Variants in SPTBN1 observed in about 807,000 individuals in gnomAD.
SPTBN1 encodes spectrin beta, non-erythrocytic 1, also known as spectrin beta chain, non-erythrocytic 1.
A neutral mutation model predicts 266.4 loss-of-function variants in SPTBN1; 32 were observed. The ratio of observed to expected loss-of-function variants is 0.12; its 90% confidence interval spans 0.09 to 0.16. The LOEUF is 0.16. Ranked by LOEUF, SPTBN1 falls within the 10% of genes least tolerant of loss-of-function variation. The probability of loss-of-function intolerance (pLI) is 1.00; values close to 1 mark genes in which losing one functional copy is unlikely to be tolerated. For missense variants in SPTBN1, 2,296 were observed against 3,067.1 expected, an observed-to-expected ratio of 0.75 and a Z score of 5.94; for synonymous variants, 1,336 against 1,162.2, an observed-to-expected ratio of 1.15 and a Z score of -3.04.
At position 54,669,254 on chromosome 2, in the gene SPTBN1, C is replaced by A. The variant is rs200175718; in HGVS notation, c.*685C>A. On this transcript the variant is annotated 3_prime_UTR_variant, in exon 36 of 36. Transcript: ENST00000356805. The stretch of plus-strand genomic sequence containing the variant: ...CTGTAATTTCAATTTTTTTTTTTTG[C>A]TGAAATACATTATATTGTACGTTTG... 1.1e-5 allele frequency: 1 copy of A among 88,716 alleles called. No individual in the cohort carries two copies. The highest frequency in any genetic ancestry group is 2.5e-5 in the Non-Finnish European group (1 of 40,002). 5.5% of individuals were successfully genotyped at this position (88,716 alleles called of 1,614,324 possible).
chr2:54,614,907 A>G (rs1414833474), intron 4 of SPTBN1, among the ~76,000 whole-genome samples: 1 of 152,174 alleles, frequency 6.6e-6, no homozygotes, highest in East Asian at 1.9e-4. Context: ...TTGTTTCCAT[A>G]TGGGCAAATC....
At chr2:54,637,542 C>G (rs1463151498) in intron 17 of SPTBN1, among the ~76,000 whole-genome samples, 171 bp from the exon 18 acceptor site, 1 of 152,134 alleles carries the variant, frequency 6.6e-6, no homozygotes, top group South Asian at 2.1e-4. Flanking sequence ...ATGGCTTACT[C>G]CTTTGGAGGA....
intron 2 of SPTBN1, among the ~76,000 whole-genome samples, chr2:54,530,353 C>CTTTTTTTTTTTTT (rs549491367): frequency 0.016 from 1,175 of 73,898 alleles, 257 homozygotes; most frequent in Middle Eastern, 0.056. Context: ...TTGTAAAAAA[C>CTTTTTTTTTTTTT]TTTTTTTTTT....
intron 1 of SPTBN1, among the ~76,000 whole-genome samples, chr2:54,478,462 A>C (rs1237052014): frequency 6.6e-6 from 1 of 152,168 alleles, no homozygotes; most frequent in Non-Finnish European, 1.5e-5. Flanking sequence ...ACAGTCAGAA[A>C]GATTGTAGAG....
chr2:54,629,767 C>T lies in SPTBN1; in HGVS notation c.2633C>T (p.Pro878Leu), dbSNP rs915238155. 3.1e-6 allele frequency: 5 copies of T among 1,610,692 alleles called. No individual in the cohort carries two copies. The highest frequency in any genetic ancestry group is 4.2e-6 in the Non-Finnish European group (5 of 1,179,792). Residue 878 changes from proline to leucine, a missense_variant, in exon 14 of 36, where the codon CCA (proline) becomes CTA (leucine). Physicochemically the swap from Pro to Leu is moderately conservative, Grantham distance 98. This residue lies in a region of SPTBN1 where 434 missense variants were observed against 573.9 expected (regional missense o/e 0.76). Coordinates refer to ENST00000356805, the MANE Select transcript of SPTBN1 (RefSeq NM_003128.3). ...KEQWLNNMQIPEKLEDLEVIQ... is the reference protein window; with the variant it reads ...KEQWLNNMQILEKLEDLEVIQ... ...CAGTGGCTCAACAACATGCAGATCCCAGAGAAGCTGGAGGATCTGGAGGTC... is the reference window on the plus strand; with the variant it reads ...CAGTGGCTCAACAACATGCAGATCCTAGAGAAGCTGGAGGATCTGGAGGTC...
chr2:54,667,225 T>C (rs1178621621), intron 34 of SPTBN1, among the ~76,000 whole-genome samples: 2 of 152,230 alleles, frequency 1.3e-5, no homozygotes, highest in African/African-American at 4.8e-5. Context: ...ACAAGCTCAG[T>C]AGCAGAATTT....
At position 54,590,214 on chromosome 2, in the gene SPTBN1, G is replaced by A. The variant is rs140524242; in HGVS notation, c.149-8878G>A. Among the ~76,000 whole-genome samples the A allele has an allele frequency of 1.3e-3, 202 of 152,250 alleles. 6 individuals carry two copies. In the South Asian group the frequency reaches 0.037, roughly 28 times the overall value. ...GCACCACAAAATTGCATTTTTATCCGTATTTCAGACATTGAGGAATTGCAA... is the reference window on the plus strand; with the variant it reads ...GCACCACAAAATTGCATTTTTATCCATATTTCAGACATTGAGGAATTGCAA... On this transcript the variant is annotated intron_variant, in intron 2 of 35. Coordinates refer to ENST00000356805, the MANE Select transcript of SPTBN1 (RefSeq NM_003128.3).
At chr2:54,534,275 A>C (rs986915858) in intron 2 of SPTBN1, among the ~76,000 whole-genome samples, 3 of 152,154 alleles carry the variant, frequency 2.0e-5, no homozygotes, top group Admixed American at 6.5e-5. Context: ...GCATGGTGGA[A>C]TGGGTTTTTA....
At chr2:54,632,534 T>G in intron 16 of SPTBN1, 32 bp from the exon 17 acceptor site, 1 of 1,605,814 alleles carries the variant, frequency 6.2e-7, no homozygotes, top group Non-Finnish European at 8.5e-7. Context: ...CCTTCATTGA[T>G]CTGCTATGAT....
At chr2:54,611,750 A>G (rs1573526760) in intron 3 of SPTBN1, among the ~76,000 whole-genome samples, 1 of 152,304 alleles carries the variant, frequency 6.6e-6, no homozygotes, top group East Asian at 1.9e-4. Context: ...AAGGGTTGCC[A>G]GCAGGTGGCA....
At chr2:54,543,800 T>G (rs1262924081) in intron 2 of SPTBN1, among the ~76,000 whole-genome samples, 1 of 151,990 alleles carries the variant, frequency 6.6e-6, no homozygotes, top group Non-Finnish European at 1.5e-5. Context: ...CCAAAAAAAA[T>G]GACTGAGGTT....
intron 1 of SPTBN1, among the ~76,000 whole-genome samples, chr2:54,479,281 C>A (rs556410681): frequency 3.9e-5 from 6 of 152,178 alleles, no homozygotes; most frequent in Admixed American, 1.3e-4. Flanking sequence ...CCGCCTCCCC[C>A]CCAAGTTGGT....
intron 2 of SPTBN1, among the ~76,000 whole-genome samples, chr2:54,576,413 A>G (rs889394980): frequency 3.3e-5 from 5 of 151,972 alleles, no homozygotes; most frequent in African/African-American, 1.2e-4. Context: ...TGGAACGTTG[A>G]TGTCAGGTAT....
intron 32 of SPTBN1, chr2:54,661,985 G>A: frequency 1.0e-6 from 1 of 985,442 alleles, no homozygotes; most frequent in Non-Finnish European, 1.2e-6. Context: ...TTTGAGTGAT[G>A]ACGCAGAGAC....
At chr2:54,471,270 T>G (rs1473657414) in intron 1 of SPTBN1, among the ~76,000 whole-genome samples, 1 of 152,152 alleles carries the variant, frequency 6.6e-6, no homozygotes, top group Non-Finnish European at 1.5e-5. Context: ...ATGAGTAAGG[T>G]TCTAAGGTTT....
rs373760622 is a variant in SPTBN1, at chr2:54,629,498, C to T, written c.2364C>T (p.Asp788=). ...STQSLVKKHK[D]VAEEIANYRP... is the part of the protein sequence containing the mutation. ...AGTCTCTGGTCAAGAAACACAAGGA[C>T]GTGGCGGAAGAGATCGCCAATTACA... The change falls in exon 14 of 36, where the codon GAC becomes GAT. Residue 788 remains aspartate (D), a synonymous_variant. Transcript: ENST00000356805. 9.9e-6 allele frequency: 16 copies of T among 1,614,010 alleles called. No individual in the cohort carries two copies. The highest frequency in any genetic ancestry group is 2.7e-5 in the African/African-American group (2 of 74,948).
chr2:54,661,809 A>G (rs1681066640), intron 32 of SPTBN1: 1 of 985,306 alleles, frequency 1.0e-6, no homozygotes, highest in Middle Eastern at 5.2e-4. Context: ...TTGTATCTAG[A>G]AGACCCTCCA....
At chr2:54,638,995 A>C (rs1679350430) in intron 18 of SPTBN1, among the ~76,000 whole-genome samples, 1 of 152,250 alleles carries the variant, frequency 6.6e-6, no homozygotes, top group Non-Finnish European at 1.5e-5. Flanking sequence ...AACCTTAAGA[A>C]GGAAAGCCCC....
rs980687686 is a variant in SPTBN1, at chr2:54,649,172, G to A, written c.5184G>A (p.Gln1728=). ...TCGCAGGGTCCCATGAACTGGGACA[G>A]GACTATGAGCATGTCACGGCAAGTA... ...EVVAGSHELG[Q]DYEHVTMLQE... The change falls in exon 25 of 36, where the codon CAG becomes CAA. Residue 1728 remains glutamine (Q), a synonymous_variant. Coordinates refer to ENST00000356805, the MANE Select transcript of SPTBN1 (RefSeq NM_003128.3). This position sits in a 1 kb window ranked among gnomAD's most constrained non-coding sequence, Gnocchi z 6.7. 4 of 1,604,316 alleles carry A rather than the reference G, an allele frequency of 2.5e-6. 1 individual carries two copies. Among genetic ancestry groups the A allele is most frequent in the Admixed American group, 3.3e-5 (2 of 59,868 alleles).
Sources: allele counts gnomAD v4.1 joint callset (sites outside exome capture counted in the v4.1 genomes callset), GRCh38; gene constraint gnomAD v4.1.1; regional missense constraint gnomAD v4.1.1; non-coding constraint Gnocchi (gnomAD v3.1); transcripts MANE v1.5; gene names NCBI Gene and HGNC (gene_info 2026-07-23, HGNC 2026-07-21).